WDPCP: variants seen among roughly 807,000 people sequenced by gnomAD.
WDPCP encodes WD repeat-containing and planar cell polarity effector protein fritz homolog.
Under a neutral mutation model 93.1 loss-of-function variants are expected in WDPCP, and 71 were observed. The ratio of observed to expected loss-of-function variants is 0.76; its 90% CI spans 0.63 to 0.93. The LOEUF is 0.93. Ranked by LOEUF, WDPCP falls within the 40% of genes least tolerant of loss-of-function variation. WDPCP has a pLI of 0.00. For missense variants in WDPCP, 844 were observed against 887.4 expected (o/e 0.95, Z 0.62); for synonymous variants, 315 against 315.0 (o/e 1.00, Z 0.00).
At chr2:63,785,274 T>G (rs1168086671) in intron 2 of WDPCP, among the ~76,000 whole-genome samples, 1 of 152,162 alleles carries the variant, frequency 6.6e-6, no homozygotes. Flanking sequence ...TACTCCTCCT[T>G]CCTCCCTTCT....
upstream of WDPCP, among the ~76,000 whole-genome samples, chr2:63,589,635 C>T (rs2106591325): frequency 6.6e-6 from 1 of 152,328 alleles, no homozygotes. Flanking sequence ...GTGACAGCAT[C>T]ACTAACTAAA....
chr2:63,417,759 T>C (rs1695542483), intron 9 of WDPCP, among the ~76,000 whole-genome samples: 1 of 147,956 alleles, frequency 6.8e-6, no homozygotes. Flanking sequence ...AATATTAATA[T>C]ATATTTATAT....
intron 12 of WDPCP, among the ~76,000 whole-genome samples, chr2:63,354,184 C>T (rs1428632143): frequency 1.3e-5 from 2 of 152,172 alleles, no homozygotes; most frequent in African/African-American, 4.8e-5. Flanking sequence ...CCCACACATC[C>T]CCAAGTGCTT....
intron 2 of WDPCP, among the ~76,000 whole-genome samples, chr2:63,750,781 G>A (rs537439220): frequency 9.9e-5 from 15 of 152,026 alleles, no homozygotes; most frequent in Non-Finnish European, 2.1e-4. Context: ...TGGTTATAGT[G>A]ATAAATTTGT....
chr2:63,830,340 A>G (rs1298972901), upstream of WDPCP, among the ~76,000 whole-genome samples: 2 of 152,002 alleles, frequency 1.3e-5, no homozygotes, highest in Non-Finnish European at 2.9e-5. Flanking sequence ...TTCTCTCTTC[A>G]GTTCTCTTCT....
intron 1 of WDPCP, among the ~76,000 whole-genome samples, chr2:63,499,373 G>A (rs1412108100): frequency 1.3e-5 from 2 of 152,188 alleles, no homozygotes; most frequent in Non-Finnish European, 2.9e-5. Context: ...GGAAGTCTTT[G>A]CCAAGCTCAG....
chr2:63,725,037 G>T (rs574369066), intron 2 of WDPCP, among the ~76,000 whole-genome samples: 18 of 152,124 alleles, frequency 1.2e-4, no homozygotes, highest in African/African-American at 3.9e-4. Flanking sequence ...AAAGCAGCCA[G>T]TTTTTTTTCT....
Position 63,638,207 on chromosome 2 carries a change from A to AT in WDPCP, n.488+12451dup, listed in dbSNP as rs1371600123. On this transcript the variant is annotated intron_variant and non_coding_transcript_variant, in intron 3 of 4. Coordinates refer to the WDPCP transcript ENST00000467687. ...AACCTTCAGTAATAAGATGAATACA[A>AT]TTTGAGGTTCTAATGTACAGTGTGA... Among the ~76,000 whole-genome samples the AT allele has an allele frequency of 6.6e-5, 10 of 152,230 alleles. No individual in the cohort carries two copies. The East Asian group carries it at 1.9e-3, about 29-fold the overall frequency.
intron 17 of WDPCP, among the ~76,000 whole-genome samples, chr2:63,126,962 C>A (rs914117252): frequency 6.6e-6 from 1 of 151,864 alleles, no homozygotes; most frequent in Non-Finnish European, 1.5e-5. Context: ...GGATTACAGG[C>A]GTAAGTCACC....
chr2:63,158,170 G>T (rs1221417838), intron 15 of WDPCP, among the ~76,000 whole-genome samples: 5 of 151,790 alleles, frequency 3.3e-5, no homozygotes, highest in Admixed American at 1.3e-4. Context: ...TTCCCATTAT[G>T]GTCAGAGGAC....
At chr2:63,384,148 C>T (rs1004421591) in intron 10 of WDPCP, among the ~76,000 whole-genome samples, 47 of 151,346 alleles carry the variant, frequency 3.1e-4, no homozygotes, top group Non-Finnish European at 5.8e-4. Flanking sequence ...AAAGTAAGAC[C>T]CAAAGTAAAT....
chr2:63,126,800 C>G (rs1269580743), intron 17 of WDPCP, among the ~76,000 whole-genome samples: 4 of 151,832 alleles, frequency 2.6e-5, no homozygotes, highest in Non-Finnish European at 5.9e-5. Flanking sequence ...CTCAGCCTCC[C>G]AAGTAGCTGG....
At chr2:63,322,812 G>A (rs375576504) in intron 12 of WDPCP, among the ~76,000 whole-genome samples, 7 of 151,802 alleles carry the variant, frequency 4.6e-5, no homozygotes, top group African/African-American at 7.3e-5. Context: ...TGAGACTATC[G>A]CCTATTGCCA....
chr2:63,538,449 G>A (rs1161025651), intron 1 of WDPCP, among the ~76,000 whole-genome samples: 1 of 152,064 alleles, frequency 6.6e-6, no homozygotes, highest in Non-Finnish European at 1.5e-5. Context: ...TAAAATATTT[G>A]AAGCCATCCC....
Position 63,404,359 on chromosome 2 carries a change from T to G in WDPCP, c.1124A>C (p.Gln375Pro). 1 of 1,614,198 alleles carries G rather than the reference T, an allele frequency of 6.2e-7. No homozygotes were observed. The highest frequency in any genetic ancestry group is 8.5e-7 in the Non-Finnish European group (1 of 1,180,020). Residue 375 changes from glutamine to proline, a missense_variant, in exon 10 of 18, where the codon CAG becomes CCG. Coordinates refer to ENST00000272321, the MANE Select transcript of WDPCP (RefSeq NM_015910.7). ...ETHRRVTLLA[Q>P]TELLPSLISC... ...TATTAATGAAGGCAAAAGTTCAGTC[T>G]GTGCTAAGAGAGTCACTCTACGGTG...
At chr2:63,239,314 G>A (rs73934637) in intron 14 of WDPCP, among the ~76,000 whole-genome samples, 1,701 of 152,154 alleles carry the variant, frequency 0.011, 30 homozygotes, top group African/African-American at 0.038. Flanking sequence ...CCTGGGTTCA[G>A]GGCATTTCAT....
chr2:63,578,674 A>C (rs1289364934), intron 1 of WDPCP, among the ~76,000 whole-genome samples: 1 of 152,156 alleles, frequency 6.6e-6, no homozygotes, highest in African/African-American at 2.4e-5. Context: ...CTCTCTAAGG[A>C]ACTATGGACA....
intron 2 of WDPCP, among the ~76,000 whole-genome samples, chr2:63,733,799 A>G (rs2103832146): frequency 6.6e-6 from 1 of 152,236 alleles, no homozygotes; most frequent in African/African-American, 2.4e-5. Flanking sequence ...AAAGTGTACA[A>G]TTCAGTGGCT....
intron 2 of WDPCP, among the ~76,000 whole-genome samples, chr2:63,730,525 G>A (rs577530351): frequency 3.3e-5 from 5 of 152,226 alleles, no homozygotes; most frequent in East Asian, 1.9e-4. Flanking sequence ...GTGCAACAGC[G>A]TAATCTCAGA....
Sources: allele counts gnomAD v4.1 joint callset (sites outside exome capture counted in the v4.1 genomes callset), GRCh38; gene constraint gnomAD v4.1.1; transcripts MANE v1.5; gene names NCBI Gene and HGNC (gene_info 2026-07-23, HGNC 2026-07-21).